Variants in HPSE2 observed in about 807,000 individuals in gnomAD.
The protein encoded by HPSE2 is heparanase 2 (inactive).
A neutral mutation model predicts 60.5 loss-of-function variants in HPSE2; 38 were observed. That is an observed-to-expected ratio of 0.63 (90% CI 0.48 to 0.82). The LOEUF (loss-of-function observed/expected upper bound fraction) is 0.82. Ranked by LOEUF, HPSE2 falls within the 40% of genes least tolerant of loss-of-function variation. The pLI, the probability that HPSE2 is intolerant of heterozygous loss-of-function variation, is 0.00. For missense variants in HPSE2, 713 were observed against 740.4 expected (o/e 0.96, Z 0.43); for synonymous variants, 295 against 293.2 (o/e 1.01, Z -0.06).
At chr10:98,612,855 G>A (rs372083889) in intron 9 of HPSE2, among the ~76,000 whole-genome samples, 46 of 152,186 alleles carry the variant, frequency 3.0e-4, no homozygotes, top group African/African-American at 1.1e-3. Flanking sequence ...ACTATCTACA[G>A]GTCAACTCCT....
At chr10:98,464,325 A>G (rs1315964515) in intron 11 of HPSE2, among the ~76,000 whole-genome samples, 3 of 152,154 alleles carry the variant, frequency 2.0e-5, no homozygotes, top group Admixed American at 2.0e-4. Context: ...TGACATTTAA[A>G]AGGAACCCAC....
chr10:98,620,525 A>G (rs1036605931), intron 8 of HPSE2, 77 bp downstream of exon 8: 1 of 1,043,146 alleles, frequency 9.6e-7, no homozygotes, highest in African/African-American at 1.6e-5. Context: ...GGATGGGCAG[A>G]ATAATCAGCA....
the HPSE2 span, among the ~76,000 whole-genome samples, chr10:99,263,790 A>C: frequency 2.0e-5 from 3 of 151,924 alleles, no homozygotes; most frequent in Admixed American, 2.0e-4. Flanking sequence ...GTCGTTTCAT[A>C]ACCTCTTGCA....
At position 99,218,454 on chromosome 10, in the gene HPSE2, C is replaced by T. The variant is rs142543257; in HGVS notation, c.448+13894G>A. 2.1e-3 allele frequency among the ~76,000 whole-genome samples: 323 copies of T among 152,056 alleles called. 1 individual carries two copies. Among genetic ancestry groups the T allele is most frequent in the African/African-American group, 7.4e-3 (305 of 41,456 alleles). ...CCACATGTGTCCTCGACTCTCTTTT[C>T]CCCTCCCCCTGAGTTTTCAATCGTT... is the stretch of plus-strand genomic sequence containing the variant. On this transcript the variant is annotated intron_variant, in intron 2 of 11. Coordinates refer to ENST00000370552, the MANE Select transcript of HPSE2 (RefSeq NM_021828.5).
At chr10:99,222,523 T>C (rs1481828931) in intron 2 of HPSE2, among the ~76,000 whole-genome samples, 1 of 152,224 alleles carries the variant, frequency 6.6e-6, no homozygotes, top group East Asian at 1.9e-4. Flanking sequence ...TGGTTCAGTG[T>C]ATAAATAAAA....
chr10:99,246,519 A>G, the HPSE2 span, among the ~76,000 whole-genome samples: 1 of 152,174 alleles, frequency 6.6e-6, no homozygotes, highest in South Asian at 2.1e-4. Context: ...GGCCAAGGCA[A>G]GCGGGTCACC....
At chr10:99,009,048 A>G (rs369542316) in intron 3 of HPSE2, among the ~76,000 whole-genome samples, 1 of 152,222 alleles carries the variant, frequency 6.6e-6, no homozygotes, top group African/African-American at 2.4e-5. Flanking sequence ...GAAAATCTGC[A>G]TTTTTGGTTC....
At chr10:98,793,889 G>A (rs973380815) in intron 3 of HPSE2, among the ~76,000 whole-genome samples, 1 of 152,164 alleles carries the variant, frequency 6.6e-6, no homozygotes, top group Non-Finnish European at 1.5e-5. Context: ...CAAGGTTGTT[G>A]AATACTAATA....
chr10:98,698,813 C>T (rs1222977320), intron 5 of HPSE2, among the ~76,000 whole-genome samples: 1 of 152,082 alleles, frequency 6.6e-6, no homozygotes, highest in East Asian at 1.9e-4. Flanking sequence ...GGGGATATCA[C>T]CACCAATCCC....
intron 3 of HPSE2, among the ~76,000 whole-genome samples, chr10:98,815,203 G>T (rs908328593): frequency 7.2e-5 from 11 of 152,186 alleles, no homozygotes; most frequent in Non-Finnish European, 1.3e-4. Context: ...GATCACTGGA[G>T]CCTGAGAGGT....
chr10:98,888,131 AACAAAC>A (rs958912892), intron 3 of HPSE2, among the ~76,000 whole-genome samples: 1 of 98,080 alleles, frequency 1.0e-5, no homozygotes, highest in African/African-American at 4.7e-5. Flanking sequence ...TAGGTTTTAA[AACAAAC>A]ACACACACAC....
chr10:98,874,126 T>C (rs1425150596), intron 3 of HPSE2, among the ~76,000 whole-genome samples: 1 of 151,922 alleles, frequency 6.6e-6, no homozygotes, highest in African/African-American at 2.4e-5. Context: ...GATGTGTAGA[T>C]TGCAAAAATT....
At chr10:98,845,407 T>C (rs1403151960) in intron 3 of HPSE2, among the ~76,000 whole-genome samples, 6 of 152,236 alleles carry the variant, frequency 3.9e-5, no homozygotes. Context: ...GTCTCTCCTA[T>C]ATAGACCTTT....
At chr10:99,162,289 A>G (rs1846875869) in intron 2 of HPSE2, among the ~76,000 whole-genome samples, 1 of 152,206 alleles carries the variant, frequency 6.6e-6, no homozygotes, top group South Asian at 2.1e-4. Flanking sequence ...GTTTAAAATG[A>G]ACCATCTTAA....
At chr10:98,599,551 G>T (rs577512451) in intron 9 of HPSE2, among the ~76,000 whole-genome samples, 4 of 152,290 alleles carry the variant, frequency 2.6e-5, no homozygotes, top group Admixed American at 1.3e-4. Flanking sequence ...TCCCATGGGG[G>T]CCTGACCAGT....
intron 3 of HPSE2, among the ~76,000 whole-genome samples, chr10:99,036,059 T>A (rs987391194): frequency 1.3e-5 from 2 of 151,634 alleles, no homozygotes; most frequent in African/African-American, 4.8e-5. Context: ...AAAAAAAAAT[T>A]TTTTTTTAAA....
At chr10:99,108,127 G>C (rs547841753) in intron 3 of HPSE2, among the ~76,000 whole-genome samples, 1 of 152,140 alleles carries the variant, frequency 6.6e-6, no homozygotes, top group Non-Finnish European at 1.5e-5. Context: ...ATAGTTCAGA[G>C]CGCCTGGAAA....
intron 3 of HPSE2, among the ~76,000 whole-genome samples, chr10:98,977,525 T>C (rs1001296273): frequency 1.2e-4 from 19 of 152,042 alleles, no homozygotes; most frequent in Non-Finnish European, 2.9e-5. Flanking sequence ...TCAATAACAG[T>C]GGGAAAATGG....
At chr10:99,075,715 G>A (rs1366388724) in intron 3 of HPSE2, among the ~76,000 whole-genome samples, 6 of 151,826 alleles carry the variant, frequency 4.0e-5, no homozygotes, top group African/African-American at 1.5e-4. Flanking sequence ...CTCATGTTGG[G>A]TGCATATATA....
Sources: gnomAD v4.1 joint callset for allele counts (sites outside exome capture counted in the v4.1 genomes callset) on GRCh38, gnomAD v4.1.1 for gene constraint, MANE v1.5 for transcripts, NCBI Gene and HGNC (gene_info 2026-07-23, HGNC 2026-07-21) for gene names.